The following MFSD2B variants were observed in gnomAD, a reference collection of about 807,000 sequenced individuals.
MFSD2B encodes the protein sphingosine-1-phosphate transporter MFSD2B.
In MFSD2B, 56 loss-of-function variants were observed where a neutral mutation model predicts 58.4. The observed-to-expected ratio is 0.96, with a 90% CI of 0.77 to 1.20. The LOEUF (loss-of-function observed/expected upper bound fraction) is 1.20. Among genes scored for constraint, MFSD2B ranks in the 50% most tolerant of loss-of-function variants. The probability of loss-of-function intolerance (pLI) is 0.00; values close to 1 mark genes in which losing one functional copy is unlikely to be tolerated. For missense variants in MFSD2B, 645 were observed against 667.6 expected (o/e 0.97, Z 0.37); for synonymous variants, 287 against 294.4 (o/e 0.97, Z 0.26).
Position 24,023,251 on chromosome 2 carries a change from G to C in MFSD2B, c.1169+12G>C, listed in dbSNP as rs951293633. ...TTGCTGCTACCCTGGTAGGCTGGGT[G>C]TGGGGGCCTCACGTGTGTCCACAGT... On this transcript the variant is annotated intron_variant, in intron 11 of 13. Coordinates refer to ENST00000338315, the MANE Select transcript of MFSD2B (RefSeq NM_001346880.2). This position sits in a 1 kb window ranked among gnomAD's most constrained non-coding sequence, Gnocchi z 5.0. 5 of 1,604,812 alleles carry C rather than the reference G, an allele frequency of 3.1e-6. No individual in the cohort carries two copies. Among genetic ancestry groups the C allele is most frequent in the Non-Finnish European group, 4.3e-6 (5 of 1,172,216 alleles).
rs371551284 is a variant in MFSD2B at position 24,023,205 on chromosome 2, G to A, written c.1135G>A (p.Gly379Ser). Reference protein sequence around the residue: ...PVAYVVAFVSGVSIAVSLLLP... With the variant: ...PVAYVVAFVSSVSIAVSLLLP... ...GGCATATGTCGTGGCCTTTGTATCTGGCGTGAGCATTGCTGTGTCCTTGCT... is the reference window on the plus strand; with the variant it reads ...GGCATATGTCGTGGCCTTTGTATCTAGCGTGAGCATTGCTGTGTCCTTGCT... The change falls in exon 11 of 14, where the codon GGC (glycine) becomes AGC (serine). Residue 379 changes from glycine (G) to serine (S), a missense_variant. By Grantham distance (56) the Gly-to-Ser change is moderately conservative. Transcript: ENST00000338315. This position sits in a 1 kb window ranked among gnomAD's most constrained non-coding sequence, Gnocchi z 5.0. 8 of 1,613,600 alleles carry A rather than the reference G, an allele frequency of 5.0e-6. No individual in the cohort carries two copies. In the African/African-American group the frequency reaches 9.3e-5, roughly 19 times the overall value.
chr2:24,012,100 A>G lies in MFSD2B; in HGVS notation c.97-1185A>G, dbSNP rs535938757. Among the ~76,000 whole-genome samples the G allele has an allele frequency of 2.6e-5, 4 of 151,970 alleles. No homozygotes were observed. The highest frequency in any genetic ancestry group is 4.4e-5 in the Non-Finnish European group (3 of 67,984). Reference sequence around the variant, plus strand: ...GACTTGGAGTTTTATTCAAACTGCAATGGTATTGACTGAATACCATGGATC... The same window carrying G: ...GACTTGGAGTTTTATTCAAACTGCAGTGGTATTGACTGAATACCATGGATC... On this transcript the variant is annotated intron_variant, in intron 1 of 13. Transcript: ENST00000338315. The surrounding 1 kb of genome is among the most constrained non-coding windows in gnomAD (Gnocchi z 4.5).
Position 24,020,433 on chromosome 2 carries a change from C to G in MFSD2B, c.682-1215C>G, listed in dbSNP as rs1662732002. ...CACAGGATGAGTGCCCTGCCCCACC[C>G]TGCGCCCTCCCTCTCCTCCCCTCCC... On this transcript the variant is annotated intron_variant, in intron 6 of 13. Transcript: ENST00000338315. The surrounding 1 kb of genome is among the most constrained non-coding windows in gnomAD (Gnocchi z 4.1). Among the ~76,000 whole-genome samples the G allele has an allele frequency of 6.6e-6, 1 of 152,194 alleles. No individual in the cohort carries two copies. The highest frequency in any genetic ancestry group is 2.4e-5 in the African/African-American group (1 of 41,444).
Position 24,022,309 on chromosome 2 carries a change from T to C in MFSD2B, c.895-124T>C, listed in dbSNP as rs1662820452. On this transcript the variant is annotated intron_variant, in intron 8 of 13. Coordinates refer to ENST00000338315, the MANE Select transcript of MFSD2B (RefSeq NM_001346880.2). This position sits in a 1 kb window ranked among gnomAD's most constrained non-coding sequence, Gnocchi z 4.5. ...AAGTGTCCTTTGTGGGGGAAGGGAC[T>C]GTATGATGGTAGCAGCAAGCCAAGG... is the stretch of plus-strand genomic sequence containing the variant. The C allele has an allele frequency of 1.3e-6, 1 of 788,774 alleles. No homozygotes were observed. The highest frequency in any genetic ancestry group is 2.2e-6 in the Non-Finnish European group (1 of 462,314). 48.9% of individuals were successfully genotyped at this position (788,774 alleles called of 1,614,324 possible). A position where few individuals can be genotyped will look rare whatever the true frequency, so the allele number is the denominator to read the frequency against.
Position 24,017,351 on chromosome 2 carries a change from G to A in MFSD2B, c.537G>A (p.Ser179=), listed in dbSNP as rs372885735. The stretch of plus-strand genomic sequence containing the variant: ...CTCCCTGCCCAAGGGAGCGGGACTC[G>A]GCCACCGCCTACCGTGAGTGCAGCC... ...LLTPCPRERD[S]ATAYRMTVEM... The change falls in exon 5 of 14, where the codon TCG becomes TCA. Residue 179 remains serine, a synonymous_variant. Coordinates refer to ENST00000338315, the MANE Select transcript of MFSD2B (RefSeq NM_001346880.2). This position sits in a 1 kb window ranked among gnomAD's most constrained non-coding sequence, Gnocchi z 4.8. 56 of 1,604,796 alleles carry A rather than the reference G, an allele frequency of 3.5e-5. 1 individual carries two copies. Among genetic ancestry groups the A allele is most frequent in the Middle Eastern group, 1.6e-4 (1 of 6,068 alleles).
chr2:24,014,082 G>A (rs113493700), intron 2 of MFSD2B, among the ~76,000 whole-genome samples: 4 of 151,612 alleles, frequency 2.6e-5, no homozygotes, highest in Non-Finnish European at 5.9e-5. Context: ...GCATGATCTC[G>A]GCTCACTGCA....
In MFSD2B at chr2:24,017,367, G is replaced by GAGTGC. The variant is rs752052717; in HGVS notation, c.550+6_550+10dup. ...GCGGGACTCGGCCACCGCCTACCGT[G>GAGTGC]AGTGCAGCCGTGGGTTTCGGGTTCC... On this transcript the variant is annotated splice_donor_region_variant and intron_variant, in intron 5 of 13. Coordinates refer to ENST00000338315, the MANE Select transcript of MFSD2B (RefSeq NM_001346880.2). This position sits in a 1 kb window ranked among gnomAD's most constrained non-coding sequence, Gnocchi z 4.8. 74 of 1,603,274 alleles carry GAGTGC rather than the reference G, an allele frequency of 4.6e-5. 1 individual carries two copies. In the Admixed American group the frequency reaches 6.0e-4, roughly 13 times the overall value.
At position 24,024,315 on chromosome 2, in the gene MFSD2B, G is replaced by A. The variant is rs778267921; in HGVS notation, c.1490+44G>A. On this transcript the variant is annotated intron_variant, in intron 13 of 13. Coordinates refer to ENST00000338315, the MANE Select transcript of MFSD2B (RefSeq NM_001346880.2). The surrounding 1 kb of genome is among the most constrained non-coding windows in gnomAD (Gnocchi z 4.3). ...CTGCAGCCAGCGAGGCACAGTGTGGGCTGCTGGGGGAATGACTAACACCAG... is the reference window on the plus strand; with the variant it reads ...CTGCAGCCAGCGAGGCACAGTGTGGACTGCTGGGGGAATGACTAACACCAG... The A allele has an allele frequency of 8.9e-5, 137 of 1,545,222 alleles. No homozygotes were observed. The highest frequency in any genetic ancestry group is 1.2e-4 in the Non-Finnish European group (133 of 1,145,902).
At position 24,025,872 on chromosome 2, in the gene MFSD2B, C is replaced by T. The variant is rs866417760; in HGVS notation, c.*416C>T. On this transcript the variant is annotated 3_prime_UTR_variant, in exon 14 of 14. Transcript: ENST00000338315. Reference sequence around the variant, plus strand: ...CCGAGTAGCTGGGACTACAGGTGCCCGCCACCACGCCCAGCTAATTTTTGT... The same window carrying T: ...CCGAGTAGCTGGGACTACAGGTGCCTGCCACCACGCCCAGCTAATTTTTGT... 22 of 167,008 alleles carry T rather than the reference C, an allele frequency of 1.3e-4. No individual in the cohort carries two copies. Among genetic ancestry groups the T allele is most frequent in the Middle Eastern group, 5.9e-3 (2 of 340 alleles). The allele number at this position is 167,008 out of a possible 1,614,324, so 10.3% of individuals were successfully genotyped here.
rs1263789827 is a variant in MFSD2B at position 24,022,852 on chromosome 2, G to C, written c.1009G>C (p.Glu337Gln). Residue 337 changes from glutamate (E) to glutamine (Q), a missense_variant, in exon 10 of 14, where the codon GAG (glutamate) becomes CAG (glutamine). Transcript: ENST00000338315. The surrounding 1 kb of genome is among the most constrained non-coding windows in gnomAD (Gnocchi z 4.5). ...VSAVLSTPLW[E>Q]WVLQRFGKKT... ...AGCCGTGCTGAGCACCCCGCTGTGG[G>C]AGTGGGTTCTCCAGCGCTTTGGGAA... 1 of 1,610,236 alleles carries C rather than the reference G, an allele frequency of 6.2e-7. No individual in the cohort carries two copies. The highest frequency in any genetic ancestry group is 8.5e-7 in the Non-Finnish European group (1 of 1,178,502).
At position 24,022,452 on chromosome 2, in the gene MFSD2B, T is replaced by C. The variant is rs747286855; in HGVS notation, c.914T>C (p.Val305Ala). The change falls in exon 9 of 14, where the codon GTC becomes GCC. Residue 305 changes from valine (V) to alanine (A), a missense_variant. Transcript: ENST00000338315. This position sits in a 1 kb window ranked among gnomAD's most constrained non-coding sequence, Gnocchi z 4.5. ...CCTCAGGTGGAGCAGAGCTACCTGG[T>C]CCTGTTCTGTACACATGCCTCCCAG... ...AAVQVEQSYLVLFCTHASQLH... is the reference protein window; with the variant it reads ...AAVQVEQSYLALFCTHASQLH... The C allele has an allele frequency of 1.2e-6, 2 of 1,613,240 alleles. No individual in the cohort carries two copies. Among genetic ancestry groups the C allele is most frequent in the Non-Finnish European group, 8.5e-7 (1 of 1,179,698 alleles).
chr2:24,013,321 G>A lies in MFSD2B; in HGVS notation c.133G>A (p.Val45Met). The change falls in exon 2 of 14, where the codon GTG becomes ATG. Residue 45 changes from valine (V) to methionine (M), a missense_variant. Transcript: ENST00000338315. ...RAGRLSFCTKVCYGIGGVPNQ... is the reference protein window; with the variant it reads ...RAGRLSFCTKMCYGIGGVPNQ... ...CGGTCGCCTCTCATTCTGTACAAAG[G>A]TGTGCTATGGCATTGGTGGGGTCCC... 1 of 1,612,422 alleles carries A rather than the reference G, an allele frequency of 6.2e-7. No homozygotes were observed. Among genetic ancestry groups the A allele is most frequent in the South Asian group, 1.1e-5 (1 of 90,700 alleles).
chr2:24,025,354 CT>C, intron 13 of MFSD2B, 77 bp from the exon 14 acceptor site: 2 of 1,387,528 alleles, frequency 1.4e-6, no homozygotes, highest in Non-Finnish European at 2.0e-6. Context: ...GCCACCAAAC[CT>C]TCCGCGGGCT....
At position 24,017,238 on chromosome 2, in the gene MFSD2B, G is replaced by A. The variant is rs1709182808; in HGVS notation, c.472-48G>A. 1.3e-6 allele frequency: 2 copies of A among 1,545,676 alleles called. No individual in the cohort carries two copies. Among genetic ancestry groups the A allele is most frequent in the Non-Finnish European group, 1.8e-6 (2 of 1,142,494 alleles). Reference sequence around the variant, plus strand: ...CCCAGGATGGGGGAGGTCGCCCGCTGTCACCAGGCAAAGCTGGGGGCGGTT... The same window carrying A: ...CCCAGGATGGGGGAGGTCGCCCGCTATCACCAGGCAAAGCTGGGGGCGGTT... On this transcript the variant is annotated intron_variant, in intron 4 of 13. Transcript: ENST00000338315. The surrounding 1 kb of genome is among the most constrained non-coding windows in gnomAD (Gnocchi z 4.8).
At chr2:24,013,469 A>AC in intron 2 of MFSD2B, 59 bp downstream of exon 2, 1 of 1,474,226 alleles carries the variant, frequency 6.8e-7, no homozygotes, top group South Asian at 1.4e-5. Context: ...TGGTCCTTCC[A>AC]CCCCCACCTC....
rs1418788027 is a variant in MFSD2B, at chr2:24,024,198, C to T, written c.1417C>T (p.Leu473Phe). 4 of 1,613,628 alleles carry T rather than the reference C, an allele frequency of 2.5e-6. No individual in the cohort carries two copies. The highest frequency in any genetic ancestry group is 3.3e-5 in the Admixed American group (2 of 59,958). Residue 473 changes from leucine to phenylalanine, a missense_variant, in exon 13 of 14, where the codon CTC becomes TTC. Leu to Phe is a conservative substitution (Grantham distance 22, BLOSUM62 0). Coordinates refer to ENST00000338315, the MANE Select transcript of MFSD2B (RefSeq NM_001346880.2). This position sits in a 1 kb window ranked among gnomAD's most constrained non-coding sequence, Gnocchi z 4.3. ...AVPTCMILAG[L>F]CILMVGSTPK... ...GCCCACCTGCATGATCCTTGCTGGGCTCTGCATCCTCATGGTCGGCTCCAC... is the reference window on the plus strand; with the variant it reads ...GCCCACCTGCATGATCCTTGCTGGGTTCTGCATCCTCATGGTCGGCTCCAC...
Position 24,017,388 on chromosome 2 carries a change from G to A in MFSD2B, c.550+24G>A. The A allele has an allele frequency of 6.3e-7, 1 of 1,599,610 alleles. No homozygotes were observed. The highest frequency in any genetic ancestry group is 1.1e-5 in the South Asian group (1 of 88,474). ...CCGTGAGTGCAGCCGTGGGTTTCGG[G>A]TTCCAGGGAGGCAACTGCCCCTGGG... On this transcript the variant is annotated intron_variant, in intron 5 of 13. Transcript: ENST00000338315. This position sits in a 1 kb window ranked among gnomAD's most constrained non-coding sequence, Gnocchi z 4.8.
intron 3 of MFSD2B, among the ~76,000 whole-genome samples, chr2:24,016,608 G>A (rs1709153836): frequency 6.6e-6 from 1 of 152,170 alleles, no homozygotes; most frequent in African/African-American, 2.4e-5. Context: ...GTCCACACAG[G>A]GAAGGGCACC....
In MFSD2B at chr2:24,024,257, G is replaced by A; in HGVS notation, c.1476G>A (p.Arg492=). The change falls in exon 13 of 14, where the codon CGG becomes CGA. Residue 492 remains arginine, a synonymous_variant. Transcript: ENST00000338315. The surrounding 1 kb of genome is among the most constrained non-coding windows in gnomAD (Gnocchi z 4.3). ...PKTPSRDASS[R]LSLRRRTSYS... ...CACCCAGTCGGGACGCCTCCAGCCG[G>A]CTGAGCCTTCGGAGGTAAGCCCCGC... is the stretch of plus-strand genomic sequence containing the variant. 1 of 1,606,388 alleles carries A rather than the reference G, an allele frequency of 6.2e-7. No homozygotes were observed. Among genetic ancestry groups the A allele is most frequent in the Non-Finnish European group, 8.5e-7 (1 of 1,176,844 alleles).
Sources: allele counts gnomAD v4.1 joint callset (sites outside exome capture counted in the v4.1 genomes callset), GRCh38; gene constraint gnomAD v4.1.1; non-coding constraint Gnocchi (gnomAD v3.1); transcripts MANE v1.5; gene names NCBI Gene and HGNC (gene_info 2026-07-23, HGNC 2026-07-21).